CCDC157: variants seen among roughly 807,000 people sequenced by gnomAD.
The protein encoded by CCDC157 is coiled-coil domain-containing protein 157.
CCDC157 carries 60 observed loss-of-function variants against 70.9 expected under a neutral mutation model. The observed-to-expected ratio is 0.85, with a 90% CI of 0.69 to 1.05. The LOEUF is 1.05. Among genes scored for constraint, CCDC157 ranks in the 50% least tolerant of loss-of-function variants. CCDC157 has a pLI of 0.00. For missense variants in CCDC157, 943 were observed against 984.2 expected (o/e 0.96, Z 0.56); for synonymous variants, 373 against 422.4 (o/e 0.88, Z 1.43).
chr22:30,376,769 G>A lies in CCDC157; in HGVS notation c.*24G>A, dbSNP rs778871432. 4.4e-6 allele frequency: 7 copies of A among 1,593,056 alleles called. No homozygotes were observed. In the South Asian group the frequency reaches 5.6e-5, roughly 13 times the overall value. On this transcript the variant is annotated 3_prime_UTR_variant, in exon 12 of 12. Coordinates refer to ENST00000338306, the MANE Select transcript of CCDC157 (RefSeq NM_001017437.5). Reference sequence around the variant, plus strand: ...AGCCTGTGGCCCAGGGCTGAGGCTGGATGGGAGGTGGCTGGCAGCCCACCC... The same window carrying A: ...AGCCTGTGGCCCAGGGCTGAGGCTGAATGGGAGGTGGCTGGCAGCCCACCC...
In CCDC157 at chr22:30,376,961, G is replaced by A. The variant is rs1055315676; in HGVS notation, c.*216G>A. 6.7e-6 allele frequency: 4 copies of A among 598,274 alleles called. No homozygotes were observed. Among genetic ancestry groups the A allele is most frequent in the Non-Finnish European group, 1.2e-5 (4 of 337,680 alleles). 37.1% of individuals were successfully genotyped at this position (598,274 alleles called of 1,614,324 possible). On this transcript the variant is annotated 3_prime_UTR_variant, in exon 12 of 12. Coordinates refer to ENST00000338306, the MANE Select transcript of CCDC157 (RefSeq NM_001017437.5). ...CTGGCACTATGGGCCCTCAGTAAAA[G>A]GGGCCTTCCTGCTTCCCTCCCGACA...
intron 10 of CCDC157, 97 bp downstream of exon 10, chr22:30,375,760 C>T: frequency 1.9e-6 from 2 of 1,068,526 alleles, no homozygotes; most frequent in Non-Finnish European, 2.7e-6. Flanking sequence ...GAGAGCCCAC[C>T]TCATCACATG....
intron 7 of CCDC157, 89 bp downstream of exon 7, chr22:30,372,375 A>C: frequency 1.4e-6 from 2 of 1,425,474 alleles, no homozygotes; most frequent in Admixed American, 5.6e-5. Context: ...GGGATCATCT[A>C]TATTGGGCAT....
At chr22:30,358,349 A>G (rs929082000) in intron 1 of CCDC157, among the ~76,000 whole-genome samples, 1 of 151,900 alleles carries the variant, frequency 6.6e-6, no homozygotes, top group Non-Finnish European at 1.5e-5. Flanking sequence ...CCTTATAGCA[A>G]CCTATTTACA....
At chr22:30,363,889 G>C (rs1193342530) in intron 2 of CCDC157, among the ~76,000 whole-genome samples, 1 of 152,052 alleles carries the variant, frequency 6.6e-6, no homozygotes, top group Non-Finnish European at 1.5e-5. Flanking sequence ...GTTTCACCAT[G>C]TTGGCCAGGC....
rs740223 is a variant in CCDC157, at chr22:30,366,151, G to C, written c.151G>C (p.Asp51His). Residue 51 changes from aspartate to histidine, a missense_variant, in exon 3 of 12, where the codon GAC becomes CAC. Transcript: ENST00000338306. ...KFPDRMACDLDMVALLEHYDH... is the reference protein window; with the variant it reads ...KFPDRMACDLHMVALLEHYDH... The stretch of plus-strand genomic sequence containing the variant: ...CCCTGACCGCATGGCCTGTGACCTC[G>C]ACATGGTGGCCCTGCTGGAGCACTA... The C allele has an allele frequency of 5.6e-6, 9 of 1,613,556 alleles. No individual in the cohort carries two copies. The highest frequency in any genetic ancestry group is 1.3e-5 in the African/African-American group (1 of 74,896).
chr22:30,370,908 T>C lies in CCDC157; in HGVS notation c.1003T>C (p.Cys335Arg). ...GCGACAGGCGGAGGAGGATGAGCAG[T>C]GCCTGTCTGAGTGGGAGCACGACAA... ...RRRQAEEDEQCLSEWEHDKQQ... is the reference protein window; with the variant it reads ...RRRQAEEDEQRLSEWEHDKQQ... The change falls in exon 5 of 12, where the codon TGC becomes CGC. Residue 335 changes from cysteine to arginine, a missense_variant. Cys to Arg is a radical substitution (Grantham distance 180). Transcript: ENST00000338306. 1 of 1,610,706 alleles carries C rather than the reference T, an allele frequency of 6.2e-7. No homozygotes were observed. Among genetic ancestry groups the C allele is most frequent in the Non-Finnish European group, 8.5e-7 (1 of 1,179,750 alleles).
intron 3 of CCDC157, 67 bp downstream of exon 3, chr22:30,366,315 T>C: frequency 1.3e-5 from 20 of 1,595,756 alleles, no homozygotes; most frequent in Non-Finnish European, 1.6e-5. Flanking sequence ...CAGTGGCAGC[T>C]ACGGAAGCCC....
At position 30,376,643 on chromosome 22, in the gene CCDC157, C is replaced by A; in HGVS notation, c.2157C>A (p.Cys719Ter). Residue 719 changes from cysteine to a stop codon, truncating the protein, a stop_gained, in exon 12 of 12, where the codon TGC becomes TGA. Coordinates refer to ENST00000338306, the MANE Select transcript of CCDC157 (RefSeq NM_001017437.5). LOFTEE classifies it high-confidence loss of function. ...LLEGVTHLDT[C>*]TQNPIKVLVR... ...AGGGTGTGACCCACTTGGACACCTGCACCCAGAACCCCATCAAGGTCTTGG... is the reference window on the plus strand; with the variant it reads ...AGGGTGTGACCCACTTGGACACCTGAACCCAGAACCCCATCAAGGTCTTGG... 1 of 1,613,926 alleles carries A rather than the reference C, an allele frequency of 6.2e-7. No individual in the cohort carries two copies. Among genetic ancestry groups the A allele is most frequent in the East Asian group, 2.2e-5 (1 of 44,864 alleles).
At chr22:30,356,937 C>T (rs1376057523), upstream of CCDC157, 12 of 633,312 alleles carry the variant, frequency 1.9e-5, no homozygotes, top group African/African-American at 3.8e-5. Flanking sequence ...GACTGGCGCA[C>T]TTCCGGGACC....
rs1283952973 is a variant in CCDC157, at chr22:30,373,673, G to T, written c.1412G>T (p.Ser471Ile). The change falls in exon 8 of 12, where the codon AGC becomes ATC. Residue 471 changes from serine to isoleucine, a missense_variant. Transcript: ENST00000338306. ...LDQEREELRG[S>I]LDEAEAQRAR... The stretch of plus-strand genomic sequence containing the variant: ...CAGGAACGTGAGGAGCTGCGGGGCA[G>T]CCTGGACGAGGCTGAGGCCCAGCGG... 1 of 1,556,382 alleles carries T rather than the reference G, an allele frequency of 6.4e-7. No individual in the cohort carries two copies. Among genetic ancestry groups the T allele is most frequent in the Non-Finnish European group, 8.7e-7 (1 of 1,150,090 alleles).
At chr22:30,362,972 A>C (rs1601718340) in intron 2 of CCDC157, among the ~76,000 whole-genome samples, 1 of 152,180 alleles carries the variant, frequency 6.6e-6, no homozygotes, top group East Asian at 1.9e-4. Flanking sequence ...CTGCCCAAGC[A>C]GCCCCTGCTT....
intron 2 of CCDC157, 166 bp from the exon 3 acceptor site, chr22:30,365,824 C>T (rs900384802): frequency 2.4e-5 from 16 of 653,374 alleles, no homozygotes; most frequent in East Asian, 5.5e-5. Context: ...CACCCAGAAC[C>T]GGGTCGGAAA....
intron 9 of CCDC157, chr22:30,374,788 G>A (rs1393420202): frequency 4.4e-6 from 2 of 454,524 alleles, no homozygotes; most frequent in Non-Finnish European, 8.9e-6. Context: ...GAGCCAGAAG[G>A]AAGCATCCAT....
At chr22:30,360,249 A>T (rs750618676) in intron 1 of CCDC157, among the ~76,000 whole-genome samples, 2 of 152,254 alleles carry the variant, frequency 1.3e-5, no homozygotes, top group Admixed American at 6.5e-5. Context: ...CACGCCTGTA[A>T]TCCCAGCACT....
chr22:30,356,863 G>C, upstream of CCDC157: 1 of 1,227,034 alleles, frequency 8.1e-7, no homozygotes, highest in Non-Finnish European at 1.0e-6. Context: ...CAGCCTCCCC[G>C]CTCGGTCAGT....
In CCDC157 at chr22:30,373,680, C is replaced by G; in HGVS notation, c.1419C>G (p.Asp473Glu). 6.4e-7 allele frequency: 1 copy of G among 1,555,766 alleles called. No homozygotes were observed. ...GTGAGGAGCTGCGGGGCAGCCTGGA[C>G]GAGGCTGAGGCCCAGCGGGCCCGCG... is the stretch of plus-strand genomic sequence containing the variant. ...QEREELRGSL[D>E]EAEAQRARVE... The change falls in exon 8 of 12, where the codon GAC becomes GAG. Residue 473 changes from aspartate to glutamate, a missense_variant. Physicochemically the swap from Asp to Glu is conservative, Grantham distance 45 (BLOSUM62 2). Transcript: ENST00000338306.
chr22:30,370,737 G>C lies in CCDC157; in HGVS notation c.832G>C (p.Glu278Gln). Residue 278 changes from glutamate to glutamine, a missense_variant, in exon 5 of 12, where the codon GAG (glutamate) becomes CAG (glutamine). Transcript: ENST00000338306. ...TGCCACCGTGGGCCGCTGGGCAGCA[G>C]AGCAGAGGAAAGACCTGACGCGCCT... ...PAATVGRWAAEQRKDLTRLSK... is the reference protein window; with the variant it reads ...PAATVGRWAAQQRKDLTRLSK... 1.2e-6 allele frequency: 2 copies of C among 1,613,568 alleles called. No individual in the cohort carries two copies. Among genetic ancestry groups the C allele is most frequent in the Non-Finnish European group, 1.7e-6 (2 of 1,179,906 alleles).
chr22:30,366,438 T>C, intron 3 of CCDC157, 190 bp downstream of exon 3: 1 of 681,882 alleles, frequency 1.5e-6, no homozygotes, highest in Admixed American at 2.6e-5. Context: ...TCTTGTGTTG[T>C]GTGCTGTGCT....
Sources: allele counts gnomAD v4.1 joint callset (sites outside exome capture counted in the v4.1 genomes callset), GRCh38; gene constraint gnomAD v4.1.1; transcripts MANE v1.5; gene names NCBI Gene and HGNC (gene_info 2026-07-23, HGNC 2026-07-21).